The following R3HCC1L variants were observed in gnomAD, a reference collection of about 807,000 sequenced individuals.
R3HCC1L encodes the protein R3H domain and coiled-coil containing 1 like.
Under a neutral mutation model 59.9 loss-of-function variants are expected in R3HCC1L, and 51 were observed. That is an observed-to-expected ratio of 0.85 (90% CI 0.68 to 1.07). R3HCC1L has a LOEUF of 1.07. R3HCC1L is among the 50% of genes least tolerant of loss of function. The pLI, the probability that R3HCC1L is intolerant of heterozygous loss-of-function variation, is 0.00. For synonymous variants in R3HCC1L, 322 were observed against 315.2 expected, an observed-to-expected ratio of 1.02 and a Z score of -0.23; for missense variants, 965 against 933.0, an observed-to-expected ratio of 1.03 and a Z score of -0.45.
At chr10:98,152,788 G>A (rs866732616) in intron 1 of R3HCC1L, among the ~76,000 whole-genome samples, 22 of 146,700 alleles carry the variant, frequency 1.5e-4, no homozygotes, top group Admixed American at 4.0e-4. Context: ...GAGCCCCTCC[G>A]CCCGGCAGCC....
At chr10:98,140,815 C>G (rs576564350) in intron 1 of R3HCC1L, among the ~76,000 whole-genome samples, 1 of 151,940 alleles carries the variant, frequency 6.6e-6, no homozygotes, top group Non-Finnish European at 1.5e-5. Flanking sequence ...TATGTATTAC[C>G]TGTTAACTAC....
At chr10:98,235,639 A>C (rs1856849132) in intron 8 of R3HCC1L, 119 bp downstream of exon 8, 4 of 811,526 alleles carry the variant, frequency 4.9e-6, no homozygotes, top group Non-Finnish European at 7.5e-6. Flanking sequence ...TGTTAAAAGA[A>C]ATATGTTTTT....
At position 98,213,764 on chromosome 10, in the gene R3HCC1L, C is replaced by T. The variant is rs547216117; in HGVS notation, c.1785+3865C>T. Among the ~76,000 whole-genome samples, 5 of 152,152 alleles carry T rather than the reference C, an allele frequency of 3.3e-5. No individual in the cohort carries two copies. The South Asian group carries it at 6.2e-4, about 19-fold the overall frequency. On this transcript the variant is annotated intron_variant, in intron 5 of 9. Coordinates refer to ENST00000298999, the MANE Select transcript of R3HCC1L (RefSeq NM_001351015.2). ...AGTTCCCTTGTACCCCCTCACCTGT[C>T]GTTCTAATTTTTTTCACAATATCTT... is the stretch of plus-strand genomic sequence containing the variant.
In R3HCC1L at chr10:98,208,189, T is replaced by C. The variant is rs1415159316; in HGVS notation, c.75T>C (p.Arg25=). Residue 25 remains arginine (R), a synonymous_variant, in exon 5 of 10, where the codon CGT becomes CGC. Coordinates refer to ENST00000298999, the MANE Select transcript of R3HCC1L (RefSeq NM_001351015.2). ...PDMALYVPKA[R]RGAVLLKTGD... ...TGGCACTTTATGTACCTAAAGCTCG[T>C]AGGGGTGCAGTACTCCTTAAGACAG... 2 of 1,613,730 alleles carry C rather than the reference T, an allele frequency of 1.2e-6. No individual in the cohort carries two copies. The highest frequency in any genetic ancestry group is 2.7e-5 in the African/African-American group (2 of 74,908).
At chr10:98,219,616 G>T (rs1161341137) in intron 5 of R3HCC1L, among the ~76,000 whole-genome samples, 1 of 152,128 alleles carries the variant, frequency 6.6e-6, no homozygotes, top group East Asian at 1.9e-4. Flanking sequence ...CTGCTTTCAT[G>T]TGTTTTTATG....
chr10:98,158,069 A>G (rs1590455625), intron 2 of R3HCC1L, among the ~76,000 whole-genome samples: 2 of 152,236 alleles, frequency 1.3e-5, no homozygotes, highest in Non-Finnish European at 2.9e-5. Flanking sequence ...CTGTATTGTA[A>G]GAAAACTAGA....
intron 4 of R3HCC1L, among the ~76,000 whole-genome samples, chr10:98,206,821 G>T (rs1852733070): frequency 6.6e-6 from 1 of 152,172 alleles, no homozygotes; most frequent in South Asian, 2.1e-4. Flanking sequence ...AAAAATCCTG[G>T]CATGCCTAAA....
intron 5 of R3HCC1L, chr10:98,231,017 C>T (rs1463912352): frequency 1.4e-5 from 6 of 418,740 alleles, no homozygotes; most frequent in Non-Finnish European, 2.8e-5. Flanking sequence ...GTCTCCTCAC[C>T]CTTTAATACA....
At chr10:98,185,727 T>C (rs1199030058) in intron 4 of R3HCC1L, among the ~76,000 whole-genome samples, 1 of 152,208 alleles carries the variant, frequency 6.6e-6, no homozygotes, top group Admixed American at 6.5e-5. Flanking sequence ...TTCTAAGCCA[T>C]GTTAAGTTGA....
chr10:98,152,386 A>G (rs1462413830), intron 1 of R3HCC1L, among the ~76,000 whole-genome samples: 3 of 148,864 alleles, frequency 2.0e-5, no homozygotes, highest in East Asian at 2.1e-4. Flanking sequence ...CCGTCTGGGA[A>G]GTGAGGAGCG....
intron 6 of R3HCC1L, among the ~76,000 whole-genome samples, chr10:98,232,032 A>G (rs915102811): frequency 5.9e-5 from 9 of 152,078 alleles, no homozygotes; most frequent in Non-Finnish European, 8.8e-5. Context: ...TATTTGTCCT[A>G]TCTTTTTCTT....
intron 4 of R3HCC1L, among the ~76,000 whole-genome samples, chr10:98,168,273 A>G (rs560698654): frequency 2.2e-4 from 34 of 152,314 alleles, no homozygotes; most frequent in Non-Finnish European, 4.3e-4. Flanking sequence ...GAGGTGGTCA[A>G]TAATAGGTGC....
intron 9 of R3HCC1L, among the ~76,000 whole-genome samples, chr10:98,241,132 T>C (rs1231913708): frequency 6.6e-6 from 1 of 152,184 alleles, no homozygotes; most frequent in Non-Finnish European, 1.5e-5. Flanking sequence ...TAAGAGGTTA[T>C]TTAGATTACT....
chr10:98,180,738 T>G (rs935428123), intron 4 of R3HCC1L, among the ~76,000 whole-genome samples: 1 of 152,232 alleles, frequency 6.6e-6, no homozygotes, highest in African/African-American at 2.4e-5. Flanking sequence ...GGTGCTCCTG[T>G]ATTGAGTTCA....
Position 98,234,480 on chromosome 10 carries a change from A to C in R3HCC1L, c.1996A>C (p.Thr666Pro). 6.2e-7 allele frequency: 1 copy of C among 1,613,562 alleles called. No individual in the cohort carries two copies. The highest frequency in any genetic ancestry group is 8.5e-7 in the Non-Finnish European group (1 of 1,179,744). Residue 666 changes from threonine to proline, a missense_variant, in exon 7 of 10, where the codon ACA becomes CCA. Thr to Pro is a conservative substitution (Grantham distance 38). Transcript: ENST00000298999. ...ATTTGATATTAAATGGGTGGATGATACACATGCCCTAGGAGTATTCTCCAG... is the reference window on the plus strand; with the variant it reads ...ATTTGATATTAAATGGGTGGATGATCCACATGCCCTAGGAGTATTCTCCAG... ...KGFDIKWVDD[T>P]HALGVFSSPI...
chr10:98,169,613 CGCG>C (rs1784372424), intron 4 of R3HCC1L, among the ~76,000 whole-genome samples: 1 of 152,096 alleles, frequency 6.6e-6, no homozygotes, highest in South Asian at 2.1e-4. Flanking sequence ...CATGGTTCAT[CGCG>C]GCAGATTTTG....
intron 4 of R3HCC1L, among the ~76,000 whole-genome samples, chr10:98,174,044 C>T (rs1251541800): frequency 6.6e-6 from 1 of 152,082 alleles, no homozygotes; most frequent in African/African-American, 2.4e-5. Flanking sequence ...GGAGATAGAA[C>T]AACTTTTATG....
At chr10:98,158,641 A>C (rs1451250659) in intron 2 of R3HCC1L, among the ~76,000 whole-genome samples, 1 of 152,202 alleles carries the variant, frequency 6.6e-6, no homozygotes, top group African/African-American at 2.4e-5. Context: ...AAAATCAGGA[A>C]ATTAACGTTG....
intron 4 of R3HCC1L, among the ~76,000 whole-genome samples, chr10:98,168,703 TAA>T (rs1211475456): frequency 6.6e-6 from 1 of 152,226 alleles, no homozygotes; most frequent in Non-Finnish European, 1.5e-5. Context: ...ATATTCTGTT[TAA>T]GATTGCATCT....
Sources: gnomAD v4.1 joint callset for allele counts (sites outside exome capture counted in the v4.1 genomes callset) on GRCh38, gnomAD v4.1.1 for gene constraint, MANE v1.5 for transcripts, NCBI Gene and HGNC (gene_info 2026-07-23, HGNC 2026-07-21) for gene names.